IRAK1BP1: variants seen among roughly 807,000 people sequenced by gnomAD.
IRAK1BP1 encodes the protein interleukin-1 receptor-associated kinase 1-binding protein 1.
IRAK1BP1 carries 24 observed loss-of-function variants against 28.0 expected under a neutral mutation model. The observed-to-expected ratio is 0.86, with a 90% confidence interval of 0.62 to 1.20. The LOEUF is 1.20. Among genes scored for constraint, IRAK1BP1 ranks in the 50% most tolerant of loss-of-function variants. The probability of loss-of-function intolerance (pLI) is 0.00; values close to 1 mark genes in which losing one functional copy is unlikely to be tolerated. For synonymous variants in IRAK1BP1, 131 were observed against 116.3 expected (o/e 1.13, Z -0.81); for missense variants, 336 against 316.7 (o/e 1.06, Z -0.46).
intron 2 of IRAK1BP1, among the ~76,000 whole-genome samples, chr6:78,887,664 T>TCACA (rs759279494): frequency 6.6e-6 from 1 of 151,764 alleles, no homozygotes; most frequent in Non-Finnish European, 1.5e-5. Context: ...AGACTCCATC[T>TCACA]CACACACACA....
the IRAK1BP1 span, among the ~76,000 whole-genome samples, chr6:78,954,139 T>C: frequency 6.6e-6 from 1 of 152,192 alleles, no homozygotes; most frequent in African/African-American, 2.4e-5. Flanking sequence ...TCTTGCTCTG[T>C]CGCCCAGGCT....
chr6:78,881,054 A>G lies in IRAK1BP1; in HGVS notation c.316-4324A>G, dbSNP rs1214704717. Among the ~76,000 whole-genome samples, 3 of 152,202 alleles carry G rather than the reference A, an allele frequency of 2.0e-5. No individual in the cohort carries two copies. The East Asian group carries it at 5.8e-4, about 29-fold the overall frequency. ...AAGTGAATTGAAAACGTAAGTACAT[A>G]TAAGAATCTGTACACAAATGTTTAT... is the stretch of plus-strand genomic sequence containing the variant. On this transcript the variant is annotated intron_variant, in intron 1 of 3. Transcript: ENST00000369940.
the IRAK1BP1 span, chr6:78,961,647 C>T: frequency 6.3e-7 from 1 of 1,594,226 alleles, no homozygotes; most frequent in Non-Finnish European, 8.6e-7. Flanking sequence ...GTGGAAAGAT[C>T]ACCAGCTTTC....
chr6:78,974,909 A>T, the IRAK1BP1 span, among the ~76,000 whole-genome samples: 1 of 151,788 alleles, frequency 6.6e-6, no homozygotes, highest in Non-Finnish European at 1.5e-5. Context: ...AGAGTCCAGG[A>T]TCAGATGGAT....
chr6:78,877,924 G>A (rs1050523786), intron 1 of IRAK1BP1, among the ~76,000 whole-genome samples: 5 of 151,954 alleles, frequency 3.3e-5, no homozygotes, highest in Admixed American at 3.3e-4. Flanking sequence ...GAACTGTAAG[G>A]CAGCAGTGAG....
chr6:78,938,066 T>TAAAGA (rs1025195719), intron 4 of IRAK1BP1: 1 of 151,712 alleles, frequency 6.6e-6, no homozygotes, highest in African/African-American at 2.4e-5. Flanking sequence ...TCCCAAGTGG[T>TAAAGA]AAAGAAAACA....
At chr6:78,971,515 C>A in the IRAK1BP1 span, among the ~76,000 whole-genome samples, 1 of 152,018 alleles carries the variant, frequency 6.6e-6, no homozygotes, top group Admixed American at 6.6e-5. Flanking sequence ...ACCATTATTG[C>A]GGGGAGGGGC....
intron 4 of IRAK1BP1, among the ~76,000 whole-genome samples, chr6:78,928,298 G>A (rs1394442343): frequency 6.6e-6 from 1 of 151,902 alleles, no homozygotes; most frequent in Non-Finnish European, 1.5e-5. Flanking sequence ...TTATTTGTTT[G>A]ACTTCTTTTT....
intron 4 of IRAK1BP1, among the ~76,000 whole-genome samples, chr6:78,912,908 A>C (rs1772464318): frequency 2.0e-5 from 3 of 152,212 alleles, no homozygotes; most frequent in African/African-American, 7.2e-5. Flanking sequence ...CAATATCTGC[A>C]ATTTATTAAA....
At chr6:78,961,900 C>T in the IRAK1BP1 span, 12 of 959,904 alleles carry the variant, frequency 1.3e-5, no homozygotes, top group Non-Finnish European at 1.9e-5. Context: ...TTAAAAAGTC[C>T]TAATCTACAT....
At chr6:78,904,336 T>TA (rs576334499), downstream of IRAK1BP1, among the ~76,000 whole-genome samples, 97 of 152,324 alleles carry the variant, frequency 6.4e-4, 1 homozygote, top group South Asian at 8.1e-3. Context: ...CTTTGCCCTT[T>TA]ACCTCCTATT....
At position 78,898,204 on chromosome 6, in the gene IRAK1BP1, A is replaced by G. The variant is rs1338149555; in HGVS notation, c.653A>G (p.His218Arg). ...GAATGGGAAGGCCAAATAGATGATC[A>G]CCAGTCATCCAGACTCTCAAGTTCA... is the stretch of plus-strand genomic sequence containing the variant. ...TKEWEGQIDD[H>R]QSSRLSSSLT... Residue 218 changes from histidine to arginine, a missense_variant, in exon 4 of 4, where the codon CAC becomes CGC. Physicochemically the swap from His to Arg is conservative, Grantham distance 29. Transcript: ENST00000369940. 9 of 1,613,616 alleles carry G rather than the reference A, an allele frequency of 5.6e-6. No homozygotes were observed.
At chr6:78,959,066 T>C in the IRAK1BP1 span, among the ~76,000 whole-genome samples, 28 of 152,284 alleles carry the variant, frequency 1.8e-4, no homozygotes, top group South Asian at 3.3e-3. Context: ...ACAGCCACCT[T>C]ATGAGATACA....
At chr6:78,876,211 A>G (rs1770997335) in intron 1 of IRAK1BP1, among the ~76,000 whole-genome samples, 1 of 152,068 alleles carries the variant, frequency 6.6e-6, no homozygotes, top group Non-Finnish European at 1.5e-5. Context: ...GTGACACTTT[A>G]TCACTCTCTC....
chr6:78,958,708 G>GGTTTT, the IRAK1BP1 span: 1 of 708,968 alleles, frequency 1.4e-6, no homozygotes, highest in Non-Finnish European at 2.5e-6. Context: ...TAAACCAACT[G>GGTTTT]TAAAAACCAT....
chr6:78,964,391 C>CAACT, the IRAK1BP1 span, among the ~76,000 whole-genome samples: 1 of 152,134 alleles, frequency 6.6e-6, no homozygotes. Context: ...AACTACTGAG[C>CAACT]AACTCAATTA....
At chr6:78,868,328 G>C (rs180953510) in intron 1 of IRAK1BP1, among the ~76,000 whole-genome samples, 4 of 152,142 alleles carry the variant, frequency 2.6e-5, no homozygotes, top group African/African-American at 2.4e-5. Context: ...GCTTCCTTCC[G>C]ATCATGTAAA....
At chr6:78,963,823 G>C in the IRAK1BP1 span, among the ~76,000 whole-genome samples, 1 of 152,134 alleles carries the variant, frequency 6.6e-6, no homozygotes, top group East Asian at 1.9e-4. Context: ...AAACGTGCTA[G>C]GTAATTTTTC....
At chr6:78,934,128 G>A (rs1003843105) in intron 4 of IRAK1BP1, among the ~76,000 whole-genome samples, 5 of 152,114 alleles carry the variant, frequency 3.3e-5, no homozygotes, top group African/African-American at 1.2e-4. Context: ...AGAGGGAGAG[G>A]GGGGAATGGC....
Sources: allele counts gnomAD v4.1 joint callset (sites outside exome capture counted in the v4.1 genomes callset), GRCh38; gene constraint gnomAD v4.1.1; transcripts MANE v1.5; gene names NCBI Gene and HGNC (gene_info 2026-07-23, HGNC 2026-07-21).